Variants in KIF21B observed in about 807,000 individuals in gnomAD.
KIF21B encodes the protein kinesin-like protein KIF21B.
KIF21B carries 85 observed loss-of-function variants against 192.9 expected under a neutral mutation model. The ratio of observed to expected loss-of-function variants is 0.44; its 90% confidence interval spans 0.37 to 0.53. The LOEUF (loss-of-function observed/expected upper bound fraction) is 0.53, where lower values mean the gene tolerates loss of function less well. Ranked by LOEUF, KIF21B falls within the 20% of genes least tolerant of loss-of-function variation. KIF21B has a pLI of 0.00. For synonymous variants in KIF21B, 832 were observed against 884.6 expected (o/e 0.94, Z 1.05); for missense variants, 1,716 against 2,194.8 (o/e 0.78, Z 4.36).
chr1:200,983,241 G>A (rs1656062988), intron 27 of KIF21B, 147 bp from the exon 28 acceptor site: 6 of 693,350 alleles, frequency 8.7e-6, no homozygotes, highest in Admixed American at 2.1e-5. Flanking sequence ...TGAGGGCCTC[G>A]GGAGAGCAGG....
chr1:200,988,211 T>C, intron 24 of KIF21B, 85 bp downstream of exon 24: 1 of 1,297,282 alleles, frequency 7.7e-7, no homozygotes, highest in Non-Finnish European at 1.1e-6. Flanking sequence ...TGGCTGAGGG[T>C]GGAGCAGAGC....
At chr1:200,988,014 G>T (rs1205054875) in intron 24 of KIF21B, among the ~76,000 whole-genome samples, 1 of 152,180 alleles carries the variant, frequency 6.6e-6, no homozygotes, top group Non-Finnish European at 1.5e-5. Flanking sequence ...TTGAAAGCAG[G>T]GCCCCTGGTT....
chr1:200,994,542 A>C (rs950836057), intron 15 of KIF21B, among the ~76,000 whole-genome samples: 2 of 152,242 alleles, frequency 1.3e-5, no homozygotes, highest in African/African-American at 4.8e-5. Context: ...GAAGGAGCTC[A>C]GCAATCCAGA....
chr1:200,979,497 T>C, intron 30 of KIF21B, 38 bp downstream of exon 30: 3 of 1,485,590 alleles, frequency 2.0e-6, no homozygotes, highest in Non-Finnish European at 2.7e-6. Context: ...CACAGCCTGC[T>C]GCAGCCGACC....
intron 21 of KIF21B, 90 bp downstream of exon 21, chr1:200,989,852 A>G: frequency 1.0e-6 from 1 of 978,018 alleles, no homozygotes; most frequent in Non-Finnish European, 1.6e-6. Flanking sequence ...GCAGGTGAGG[A>G]GGCGCCAGGC....
At chr1:201,002,129 G>A (rs1657530724) in intron 9 of KIF21B, 32 bp downstream of exon 9, 1 of 1,604,798 alleles carries the variant, frequency 6.2e-7, no homozygotes, top group African/African-American at 1.3e-5. Flanking sequence ...GCCCGTTGGT[G>A]CTCTGACCTG....
chr1:201,003,361 A>C (rs1657608670), intron 8 of KIF21B: 1 of 590,786 alleles, frequency 1.7e-6, no homozygotes, highest in Admixed American at 3.0e-5. Flanking sequence ...AGTATTCTAA[A>C]ATCTTGAGGG....
intron 3 of KIF21B, among the ~76,000 whole-genome samples, chr1:201,007,400 GC>G (rs1657943049): frequency 2.5e-5 from 1 of 40,426 alleles, no homozygotes; most frequent in Non-Finnish European, 4.8e-5. Context: ...ACACACACAC[GC>G]AGACACCCAC....
rs779005306 is a variant in KIF21B, at chr1:200,990,335, G to A, written c.2836-3C>T. 75 of 1,601,014 alleles carry A rather than the reference G, an allele frequency of 4.7e-5. No individual in the cohort carries two copies. The South Asian group carries it at 8.2e-4, about 18-fold the overall frequency. ...AGGAGGAACAGCTCCTCCCTTTTCT[G>A]GGGTCAGAGGGGAGGGTGGTGATTG... On this transcript the variant is annotated splice_polypyrimidine_tract_variant and splice_region_variant and intron_variant, in intron 19 of 34. Transcript: ENST00000461742. This position sits in a 1 kb window ranked among gnomAD's most constrained non-coding sequence, Gnocchi z 5.4.
chr1:200,987,561 A>G (rs1160858971), intron 24 of KIF21B, among the ~76,000 whole-genome samples: 1 of 152,164 alleles, frequency 6.6e-6, no homozygotes, highest in East Asian at 1.9e-4. Flanking sequence ...AAATTCTAAC[A>G]AGAGAAATGA....
chr1:201,006,786 G>A (rs1238538147), intron 3 of KIF21B, among the ~76,000 whole-genome samples: 1 of 151,212 alleles, frequency 6.6e-6, no homozygotes. Flanking sequence ...ACACAGACAC[G>A]AACACAGACA....
intron 3 of KIF21B, among the ~76,000 whole-genome samples, chr1:201,007,205 CACACACACAGAGACAGACACACACAG>C: frequency 1.3e-5 from 2 of 149,752 alleles, no homozygotes; most frequent in African/African-American, 5.0e-5. Flanking sequence ...CACAGACACA[CACACACACAGAGACAGACACACACAG>C]ACACACACAC....
chr1:200,979,510 T>C (rs1655775088), intron 30 of KIF21B, 25 bp downstream of exon 30: 1 of 1,507,116 alleles, frequency 6.6e-7, no homozygotes, highest in Non-Finnish European at 8.9e-7. Context: ...AGCCGACCAC[T>C]GTGAGGCAGG....
Position 201,005,292 on chromosome 1 carries a change from C to G in KIF21B, c.732+16G>C. 6.4e-7 allele frequency: 1 copy of G among 1,565,566 alleles called. No individual in the cohort carries two copies. Among genetic ancestry groups the G allele is most frequent in the Non-Finnish European group, 8.7e-7 (1 of 1,155,874 alleles). On this transcript the variant is annotated intron_variant, in intron 5 of 34. Transcript: ENST00000461742. ...CTGCAGCAAGCTGGCTCCTGGGCCC[C>G]CTGCAGGCTCCTCACCAGGTCGGGC...
At chr1:200,993,887 C>T (rs1005220334) in intron 15 of KIF21B, among the ~76,000 whole-genome samples, 1 of 151,954 alleles carries the variant, frequency 6.6e-6, no homozygotes, top group African/African-American at 2.4e-5. Flanking sequence ...TGGGGTGAAT[C>T]TGCAGAGAAG....
intron 27 of KIF21B, among the ~76,000 whole-genome samples, chr1:200,983,387 G>A (rs1656078930): frequency 6.6e-6 from 1 of 152,252 alleles, no homozygotes; most frequent in Middle Eastern, 3.4e-3. Context: ...CACATGGGGA[G>A]ACGTTTCCAG....
At position 200,973,417 on chromosome 1, in the gene KIF21B, CT is replaced by C; in HGVS notation, c.*103del. On this transcript the variant is annotated 3_prime_UTR_variant, in exon 35 of 35. Coordinates refer to ENST00000461742, the MANE Select transcript of KIF21B (RefSeq NM_001252102.2). ...AGGGCAGGAGAGGGGGCCACGCCCT[CT>C]GTCCCCAGAGCAGCTGGCCCCATCG... 1 of 1,334,096 alleles carries C rather than the reference CT, an allele frequency of 7.5e-7. No homozygotes were observed. Among genetic ancestry groups the C allele is most frequent in the South Asian group, 1.9e-5 (1 of 53,446 alleles). 82.6% of individuals were successfully genotyped at this position (1,334,096 alleles called of 1,614,324 possible). A position where few individuals can be genotyped will look rare whatever the true frequency, so the allele number is the denominator to read the frequency against.
chr1:201,012,527 G>A (rs1571968697), intron 1 of KIF21B, among the ~76,000 whole-genome samples: 2 of 152,194 alleles, frequency 1.3e-5, no homozygotes, highest in South Asian at 4.1e-4. Context: ...GGCTTGAAGT[G>A]GTTAAGCCAC....
At position 201,003,577 on chromosome 1, in the gene KIF21B, C is replaced by T; in HGVS notation, c.1212+9G>A. 1 of 1,612,972 alleles carries T rather than the reference C, an allele frequency of 6.2e-7. No individual in the cohort carries two copies. Among genetic ancestry groups the T allele is most frequent in the South Asian group, 1.1e-5 (1 of 91,036 alleles). ...GGGAGTGCTGGGCAATGCCCAGGAG[C>T]ATGCTCACCGCCTTATACTCCATCA... On this transcript the variant is annotated intron_variant, in intron 8 of 34. Coordinates refer to ENST00000461742, the MANE Select transcript of KIF21B (RefSeq NM_001252102.2).
Sources: gnomAD v4.1 joint callset for allele counts (sites outside exome capture counted in the v4.1 genomes callset) on GRCh38, gnomAD v4.1.1 for gene constraint, Gnocchi (gnomAD v3.1) non-coding constraint, MANE v1.5 for transcripts, NCBI Gene and HGNC (gene_info 2026-07-23, HGNC 2026-07-21) for gene names.